Variants in PTPRM observed in about 807,000 individuals in gnomAD.
The protein encoded by PTPRM is receptor-type tyrosine-protein phosphatase mu.
In PTPRM, 47 loss-of-function variants were observed where a neutral mutation model predicts 186.7. The ratio of observed to expected loss-of-function variants is 0.25; its 90% confidence interval spans 0.20 to 0.32. The LOEUF is 0.32. Among genes scored for constraint, PTPRM ranks in the 10% least tolerant of loss-of-function variants. The pLI is 1.00. For missense variants in PTPRM, 1,494 were observed against 1,865.0 expected (o/e 0.80, Z 3.66); for synonymous variants, 668 against 674.9 (o/e 0.99, Z 0.16).
At chr18:8,169,936 G>T (rs1228180619) in intron 14 of PTPRM, among the ~76,000 whole-genome samples, 1 of 152,098 alleles carries the variant, frequency 6.6e-6, no homozygotes, top group African/African-American at 2.4e-5. Context: ...GCACATATTT[G>T]TTCAAACTAA....
rs994716867 is a variant in PTPRM at position 7,668,252 on chromosome 18, G to A, written c.73+100361G>A. On this transcript the variant is annotated intron_variant, in intron 1 of 32. Coordinates refer to ENST00000580170, the MANE Select transcript of PTPRM (RefSeq NM_001105244.2). The surrounding 1 kb of genome is among the most constrained non-coding windows in gnomAD (Gnocchi z 4.7). ...CTTCGTGTCCCCCATGACAGCTCTG[G>A]TGTGAATAGTCACAGTGCCACCATT... Among the ~76,000 whole-genome samples, 2 of 152,142 alleles carry A rather than the reference G, an allele frequency of 1.3e-5. No individual in the cohort carries two copies. The highest frequency in any genetic ancestry group is 4.8e-5 in the African/African-American group (2 of 41,428).
intron 7 of PTPRM, among the ~76,000 whole-genome samples, chr18:8,068,372 CT>C (rs2089236289): frequency 6.6e-6 from 1 of 152,124 alleles, no homozygotes; most frequent in Non-Finnish European, 1.5e-5. Context: ...TCCTAAAACC[CT>C]GAATGCTGAA....
chr18:7,610,561 T>A (rs2037647674), intron 1 of PTPRM, among the ~76,000 whole-genome samples: 1 of 152,170 alleles, frequency 6.6e-6, no homozygotes, highest in African/African-American at 2.4e-5. Context: ...ATTGTTTTGG[T>A]CAACAGTGGA....
chr18:7,926,659 G>A lies in PTPRM; in HGVS notation c.639G>A (p.Val213=), dbSNP rs898359627. The A allele has an allele frequency of 1.4e-5, 23 of 1,612,730 alleles. No homozygotes were observed. Among genetic ancestry groups the A allele is most frequent in the Non-Finnish European group, 1.9e-5 (22 of 1,179,760 alleles). ...AGTGCAGTGCCATCGGCAGGACCGT[G>A]GCAGGAGACAGGCTCTGGTTACAGG... The part of the protein sequence containing the change: ...TFQCSAIGRT[V]AGDRLWLQGI... The change falls in exon 5 of 33, where the codon GTG becomes GTA. Residue 213 remains valine, a synonymous_variant. Coordinates refer to ENST00000580170, the MANE Select transcript of PTPRM (RefSeq NM_001105244.2).
chr18:7,989,631 T>G (rs1382861710), intron 7 of PTPRM, among the ~76,000 whole-genome samples: 2 of 152,298 alleles, frequency 1.3e-5, no homozygotes, highest in East Asian at 1.9e-4. Context: ...CCTTGTTGAC[T>G]TCAGTTTTTC....
At chr18:8,249,069 C>T (rs576197769) in intron 17 of PTPRM, among the ~76,000 whole-genome samples, 6 of 152,224 alleles carry the variant, frequency 3.9e-5, no homozygotes, top group East Asian at 3.9e-4. Context: ...CTAACCTTTC[C>T]GAAAAGGAGC....
intron 1 of PTPRM, among the ~76,000 whole-genome samples, chr18:7,600,397 T>C (rs2037371382): frequency 6.6e-6 from 1 of 152,210 alleles, no homozygotes; most frequent in South Asian, 2.1e-4. Context: ...GCAGCAATCT[T>C]GTCTCCCCTT....
At chr18:7,593,020 T>C (rs1199213694) in intron 1 of PTPRM, among the ~76,000 whole-genome samples, 1 of 152,240 alleles carries the variant, frequency 6.6e-6, no homozygotes, top group African/African-American at 2.4e-5. Flanking sequence ...TTTCAGATTT[T>C]CTGAGTCCTT....
At position 8,161,516 on chromosome 18, in the gene PTPRM, G is replaced by C. The variant is rs149946242; in HGVS notation, c.2300+17737G>C. Reference sequence around the variant, plus strand: ...ACAAATCTTCCCATCTCCCCTGAGGGAAGGGAGAAATCTTGATTTCTTTAC... The same window carrying C: ...ACAAATCTTCCCATCTCCCCTGAGGCAAGGGAGAAATCTTGATTTCTTTAC... On this transcript the variant is annotated intron_variant, in intron 14 of 32. Transcript: ENST00000580170. Among the ~76,000 whole-genome samples, 9 of 152,200 alleles carry C rather than the reference G, an allele frequency of 5.9e-5. 1 individual carries two copies. The highest frequency in any genetic ancestry group is 5.8e-4 in the East Asian group (3 of 5,172).
chr18:7,665,732 C>T (rs1238340093), intron 1 of PTPRM, among the ~76,000 whole-genome samples: 1 of 152,002 alleles, frequency 6.6e-6, no homozygotes, highest in Non-Finnish European at 1.5e-5. Context: ...CGAGACCATC[C>T]TGGCCAATGT....
intron 1 of PTPRM, among the ~76,000 whole-genome samples, chr18:7,657,804 A>G (rs530770877): frequency 9.6e-4 from 146 of 152,338 alleles, no homozygotes; most frequent in African/African-American, 3.3e-3. Context: ...CTTGTTTATC[A>G]AGAAGTCTCT....
At chr18:7,603,442 A>G (rs372064994) in intron 1 of PTPRM, among the ~76,000 whole-genome samples, 2 of 152,336 alleles carry the variant, frequency 1.3e-5, no homozygotes, top group African/African-American at 4.8e-5. Flanking sequence ...GCCTGTTAAC[A>G]GCTACCTGGG....
At chr18:8,390,973 A>T (rs1050634904) in intron 31 of PTPRM, among the ~76,000 whole-genome samples, 20 of 150,802 alleles carry the variant, frequency 1.3e-4, no homozygotes, top group African/African-American at 4.1e-4. Flanking sequence ...AATAATAAAG[A>T]TGTCCCGAAT....
intron 1 of PTPRM, among the ~76,000 whole-genome samples, chr18:7,688,605 G>A (rs1015981382): frequency 2.0e-5 from 3 of 152,192 alleles, no homozygotes; most frequent in Non-Finnish European, 4.4e-5. Flanking sequence ...GATGGGGAGA[G>A]AAGAGTTGTG....
chr18:8,130,328 A>G (rs940170633), intron 13 of PTPRM, among the ~76,000 whole-genome samples: 2 of 152,136 alleles, frequency 1.3e-5, no homozygotes, highest in Non-Finnish European at 2.9e-5. Context: ...CTGCTGTCCC[A>G]TCTCAAATGC....
chr18:7,654,380 T>G (rs755504750), intron 1 of PTPRM, among the ~76,000 whole-genome samples: 18 of 152,152 alleles, frequency 1.2e-4, no homozygotes, highest in Non-Finnish European at 1.2e-4. Flanking sequence ...GGCGATGACC[T>G]TGAGTAGCAG....
intron 1 of PTPRM, among the ~76,000 whole-genome samples, chr18:7,593,691 C>T (rs551434232): frequency 6.6e-6 from 1 of 152,158 alleles, no homozygotes; most frequent in African/African-American, 2.4e-5. Flanking sequence ...CCTGCTGGTT[C>T]CCTGCTTGAG....
At chr18:7,787,393 A>G (rs530654213) in intron 2 of PTPRM, among the ~76,000 whole-genome samples, 1 of 152,340 alleles carries the variant, frequency 6.6e-6, no homozygotes, top group East Asian at 1.9e-4. Context: ...CACCTGCTAG[A>G]AACATGGGAA....
At chr18:7,822,766 C>A (rs760396932) in intron 2 of PTPRM, among the ~76,000 whole-genome samples, 1 of 152,144 alleles carries the variant, frequency 6.6e-6, no homozygotes, top group African/African-American at 2.4e-5. Flanking sequence ...TAGTTTTTGT[C>A]CCTGTCACCT....
Sources: gnomAD v4.1 joint callset for allele counts (sites outside exome capture counted in the v4.1 genomes callset) on GRCh38, gnomAD v4.1.1 for gene constraint, Gnocchi (gnomAD v3.1) non-coding constraint, MANE v1.5 for transcripts, NCBI Gene and HGNC (gene_info 2026-07-23, HGNC 2026-07-21) for gene names.